ACTL8: variants seen among roughly 807,000 people sequenced by gnomAD.
ACTL8 encodes the protein actin-like protein 8.
In ACTL8, 3 loss-of-function variants were observed where a neutral mutation model predicts 9.3. That is an observed-to-expected ratio of 0.32 (90% confidence interval 0.15 to 0.83). ACTL8 has a LOEUF of 0.83. ACTL8 is among the 40% of genes least tolerant of loss of function. The pLI is 0.57. For synonymous variants in ACTL8, 224 were observed against 205.9 expected (o/e 1.09, Z -0.75); for missense variants, 381 against 492.2 (o/e 0.77, Z 2.14).
chr1:17,780,875 C>T (rs979522404), intron 1 of ACTL8, among the ~76,000 whole-genome samples: 8 of 152,114 alleles, frequency 5.3e-5, no homozygotes, highest in Admixed American at 4.6e-4. Flanking sequence ...TGGTCTGTAT[C>T]CGGGAGGTTC....
chr1:17,804,788 G>A lies in ACTL8; in HGVS notation c.-24-18197G>A, dbSNP rs1383291968. Among the ~76,000 whole-genome samples, 3 of 151,868 alleles carry A rather than the reference G, an allele frequency of 2.0e-5. No homozygotes were observed. The East Asian group carries it at 5.8e-4, about 29-fold the overall frequency. ...ACACCACCAAGCCCAGCTAATTTTT[G>A]TATTTTTAGTAGAAATGGGGTTTCA... On this transcript the variant is annotated intron_variant, in intron 1 of 2. Coordinates refer to ENST00000375406, the MANE Select transcript of ACTL8 (RefSeq NM_030812.3).
intron 1 of ACTL8, among the ~76,000 whole-genome samples, chr1:17,762,921 G>A (rs1019532799): frequency 4.6e-5 from 7 of 152,238 alleles, no homozygotes; most frequent in Admixed American, 6.5e-5. Context: ...TGGGGCCCGC[G>A]CAATAATGGA....
At chr1:17,761,989 TCA>T (rs2066009655) in intron 1 of ACTL8, among the ~76,000 whole-genome samples, 1 of 152,014 alleles carries the variant, frequency 6.6e-6, no homozygotes, top group Non-Finnish European at 1.5e-5. Context: ...TCACCTGAGG[TCA>T]CCTGGATCCC....
chr1:17,755,533 TTGGC>T (rs987666849), intron 1 of ACTL8, 29 bp downstream of exon 1: 7 of 151,800 alleles, frequency 4.6e-5, no homozygotes, highest in African/African-American at 1.7e-4. Flanking sequence ...ATTTCTAACT[TTGGC>T]TGGTTGTGGC....
At chr1:17,770,973 G>A (rs1435952075) in intron 1 of ACTL8, among the ~76,000 whole-genome samples, 3 of 152,202 alleles carry the variant, frequency 2.0e-5, no homozygotes, top group African/African-American at 7.2e-5. Context: ...ACATCTCTGA[G>A]CTTCTAAGAA....
chr1:17,818,836 T>G (rs763579379), intron 1 of ACTL8, among the ~76,000 whole-genome samples: 1 of 152,102 alleles, frequency 6.6e-6, no homozygotes, highest in Non-Finnish European at 1.5e-5. Flanking sequence ...ATGGATGTTC[T>G]TTCTTAGTAG....
At chr1:17,796,057 G>C (rs1359121494) in intron 1 of ACTL8, among the ~76,000 whole-genome samples, 1 of 152,180 alleles carries the variant, frequency 6.6e-6, no homozygotes, top group Non-Finnish European at 1.5e-5. Flanking sequence ...GCTCTGCTCA[G>C]TGGGGGCTGC....
chr1:17,813,717 G>T (rs1469269439), intron 1 of ACTL8, among the ~76,000 whole-genome samples: 1 of 152,010 alleles, frequency 6.6e-6, no homozygotes, highest in African/African-American at 2.4e-5. Context: ...TTAAATGTTG[G>T]GTAAATTCTC....
chr1:17,819,963 C>T (rs1444992715), intron 1 of ACTL8, among the ~76,000 whole-genome samples: 5 of 151,800 alleles, frequency 3.3e-5, no homozygotes, highest in African/African-American at 9.7e-5. Flanking sequence ...GAGACGCGAT[C>T]GTGCCACTGC....
At chr1:17,774,071 G>A (rs901512568) in intron 1 of ACTL8, among the ~76,000 whole-genome samples, 4 of 152,212 alleles carry the variant, frequency 2.6e-5, no homozygotes, top group Non-Finnish European at 5.9e-5. Flanking sequence ...GGACATTGCT[G>A]TCATGGCCTA....
intron 1 of ACTL8, among the ~76,000 whole-genome samples, chr1:17,775,139 C>T (rs903778057): frequency 6.6e-6 from 1 of 152,190 alleles, no homozygotes; most frequent in Non-Finnish European, 1.5e-5. Context: ...AAAATTTAGC[C>T]TGATGCTCTC....
At chr1:17,764,583 C>CG (rs999911520) in intron 1 of ACTL8, among the ~76,000 whole-genome samples, 4 of 152,050 alleles carry the variant, frequency 2.6e-5, no homozygotes, top group East Asian at 1.9e-4. Context: ...GGCACCCCCC[C>CG]ACAGCATCTC....
At chr1:17,779,204 C>T (rs371961354) in intron 1 of ACTL8, among the ~76,000 whole-genome samples, 1 of 152,058 alleles carries the variant, frequency 6.6e-6, no homozygotes, top group South Asian at 2.1e-4. Flanking sequence ...CCCTCCTGGA[C>T]CCCTCTGCCT....
intron 1 of ACTL8, among the ~76,000 whole-genome samples, chr1:17,783,345 T>C (rs1216507427): frequency 7.6e-6 from 1 of 131,974 alleles, no homozygotes; most frequent in African/African-American, 3.2e-5. Flanking sequence ...GTTTTTTTTT[T>C]TGTTTTGTTT....
chr1:17,770,930 G>A (rs1052665111), intron 1 of ACTL8, among the ~76,000 whole-genome samples: 57 of 152,144 alleles, frequency 3.7e-4, no homozygotes, highest in African/African-American at 1.3e-3. Context: ...TGGCTTCACC[G>A]CTGTGAGGCT....
chr1:17,814,142 T>C (rs1162721179), intron 1 of ACTL8, among the ~76,000 whole-genome samples: 2 of 152,250 alleles, frequency 1.3e-5, no homozygotes, highest in Non-Finnish European at 1.5e-5. Context: ...GCATATATGA[T>C]GGTGGTCCCA....
chr1:17,794,880 T>C (rs936768333), intron 1 of ACTL8, among the ~76,000 whole-genome samples: 1 of 152,180 alleles, frequency 6.6e-6, no homozygotes, highest in African/African-American at 2.4e-5. Context: ...GGCTGGTTAG[T>C]GAGACTGGAC....
intron 1 of ACTL8, among the ~76,000 whole-genome samples, chr1:17,799,832 C>T (rs1034576267): frequency 2.0e-5 from 3 of 152,078 alleles, no homozygotes; most frequent in Non-Finnish European, 2.9e-5. Flanking sequence ...GCCCCCGCCC[C>T]CACCACCCAC....
At chr1:17,797,492 G>A (rs903748957) in intron 1 of ACTL8, among the ~76,000 whole-genome samples, 6 of 152,174 alleles carry the variant, frequency 3.9e-5, no homozygotes, top group Non-Finnish European at 8.8e-5. Context: ...ACCGTGCATC[G>A]GAGGCATTGC....
Sources: allele counts gnomAD v4.1 joint callset (sites outside exome capture counted in the v4.1 genomes callset), GRCh38; gene constraint gnomAD v4.1.1; transcripts MANE v1.5; gene names NCBI Gene and HGNC (gene_info 2026-07-23, HGNC 2026-07-21).